The following ADAM32 variants were observed in gnomAD, a reference collection of about 807,000 sequenced individuals.
The protein encoded by ADAM32 is ADAM metallopeptidase domain 32.
A neutral mutation model predicts 114.9 loss-of-function variants in ADAM32; 89 were observed. The ratio of observed to expected loss-of-function variants is 0.77; its 90% confidence interval spans 0.65 to 0.92. The LOEUF is 0.92. ADAM32 is among the 40% of genes least tolerant of loss of function. The probability of loss-of-function intolerance (pLI) is 0.00; values close to 1 mark genes in which losing one functional copy is unlikely to be tolerated. For synonymous variants in ADAM32, 285 were observed against 307.5 expected, an observed-to-expected ratio of 0.93 and a Z score of 0.77; for missense variants, 870 against 932.8, an observed-to-expected ratio of 0.93 and a Z score of 0.88.
intron 10 of ADAM32, among the ~76,000 whole-genome samples, chr8:39,185,249 G>A (rs142343763): frequency 0.015 from 1,951 of 132,186 alleles, 18 homozygotes; most frequent in Non-Finnish European, 0.022. Flanking sequence ...TAGGCAACAC[G>A]AGTGAAACTC....
chr8:39,133,779 C>T (rs1802607220), intron 2 of ADAM32, among the ~76,000 whole-genome samples: 2 of 152,132 alleles, frequency 1.3e-5, no homozygotes, highest in African/African-American at 4.8e-5. Context: ...GATATCAGAT[C>T]CCCGGATAGT....
chr8:39,270,946 A>C (rs370825727), intron 20 of ADAM32, 32 bp downstream of exon 20: 50 of 1,578,628 alleles, frequency 3.2e-5, no homozygotes, highest in Middle Eastern at 1.7e-4. Flanking sequence ...TTTAAGATAC[A>C]TGTTGAAAAT....
rs1388586346 is a variant in ADAM32, at chr8:39,253,864, T to A, written c.1903-550T>A. 2.0e-5 allele frequency among the ~76,000 whole-genome samples: 3 copies of A among 151,714 alleles called. No homozygotes were observed. In the South Asian group the frequency reaches 6.2e-4, roughly 31 times the overall value. On this transcript the variant is annotated intron_variant, in intron 17 of 24. Coordinates refer to ENST00000379907, the MANE Select transcript of ADAM32 (RefSeq NM_145004.7). The stretch of plus-strand genomic sequence containing the variant: ...TTATCTACAGATTCCATGCAATCCT[T>A]ATCAGAATCTCCATGTTATTTTTCA...
intron 16 of ADAM32, among the ~76,000 whole-genome samples, chr8:39,241,746 G>A (rs1033480811): frequency 6.6e-6 from 1 of 152,202 alleles, no homozygotes; most frequent in Admixed American, 6.5e-5. Flanking sequence ...AAACCTCCAG[G>A]CCTCTGACTG....
chr8:39,274,554 T>C (rs1340269632), intron 21 of ADAM32, among the ~76,000 whole-genome samples: 1 of 152,172 alleles, frequency 6.6e-6, no homozygotes, highest in Admixed American at 6.5e-5. Flanking sequence ...GAGGTCTCTT[T>C]TGAGGAAACA....
intron 11 of ADAM32, among the ~76,000 whole-genome samples, chr8:39,197,487 G>A (rs1343103959): frequency 1.3e-5 from 2 of 151,750 alleles, no homozygotes; most frequent in Non-Finnish European, 2.9e-5. Flanking sequence ...CTTCTTTTGT[G>A]TATGTCACTA....
At chr8:39,117,941 A>T (rs910810916) in intron 1 of ADAM32, 145 bp from the exon 2 acceptor site, 4 of 469,670 alleles carry the variant, frequency 8.5e-6, no homozygotes, top group Non-Finnish European at 1.5e-5. Context: ...CTGTTTTTCA[A>T]ATTAAGTGTT....
rs1340647781 is a variant in ADAM32 at position 39,246,143 on chromosome 8, T to C, written c.1879T>C (p.Ser627Pro). The change falls in exon 17 of 25, where the codon TCA becomes CCA. Residue 627 changes from serine to proline, a missense_variant. By Grantham distance (74) the Ser-to-Pro change is moderately conservative. Transcript: ENST00000379907. ...RIIKASAHVCSQQCSGHGVCD... is the reference protein window; with the variant it reads ...RIIKASAHVCPQQCSGHGVCD... ...AATTAAGGCTTCAGCACATGTTTGT[T>C]CACAACAGTGTTCTGGACATGGAGT... is the stretch of plus-strand genomic sequence containing the variant. 3 of 1,613,482 alleles carry C rather than the reference T, an allele frequency of 1.9e-6. No homozygotes were observed. In the South Asian group the frequency reaches 3.3e-5, roughly 18 times the overall value.
At chr8:39,125,362 A>G (rs569201093) in intron 2 of ADAM32, among the ~76,000 whole-genome samples, 31 of 152,178 alleles carry the variant, frequency 2.0e-4, no homozygotes, top group Non-Finnish European at 3.8e-4. Context: ...GGGAATAGCT[A>G]TTCTATGCCT....
At chr8:39,257,157 GTT>G (rs200807312) in intron 18 of ADAM32, 28 bp from the exon 19 acceptor site, 2,909 of 1,273,692 alleles carry the variant, frequency 2.3e-3, no homozygotes, top group South Asian at 4.8e-3. Flanking sequence ...TAATTTTTTT[GTT>G]TTTTTTTTTT....
At chr8:39,259,871 C>A (rs1585667690) in intron 19 of ADAM32, among the ~76,000 whole-genome samples, 1 of 152,154 alleles carries the variant, frequency 6.6e-6, no homozygotes, top group South Asian at 2.1e-4. Context: ...ATTTCCACAG[C>A]CAGTATAATG....
intron 23 of ADAM32, among the ~76,000 whole-genome samples, chr8:39,282,738 T>G (rs1200425959): frequency 6.6e-6 from 1 of 152,180 alleles, no homozygotes. Context: ...GTAGAGCCAA[T>G]TCCTTGGGTA....
At chr8:39,190,940 C>T (rs1564566707) in intron 11 of ADAM32, among the ~76,000 whole-genome samples, 1 of 152,114 alleles carries the variant, frequency 6.6e-6, no homozygotes, top group Non-Finnish European at 1.5e-5. Flanking sequence ...AAGTAGGACC[C>T]AGTGTCTATT....
intron 19 of ADAM32, among the ~76,000 whole-genome samples, chr8:39,259,277 G>A (rs1005563579): frequency 1.3e-5 from 2 of 151,560 alleles, no homozygotes; most frequent in Non-Finnish European, 2.9e-5. Context: ...TTGGCTCACT[G>A]CAACCTTAGC....
chr8:39,147,308 T>C (rs928182565), intron 4 of ADAM32, 103 bp downstream of exon 4: 1 of 478,260 alleles, frequency 2.1e-6, no homozygotes, highest in African/African-American at 2.0e-5. Context: ...GGGATATATT[T>C]AAGACATTTG....
chr8:39,199,256 G>A (rs1486894338), intron 11 of ADAM32, among the ~76,000 whole-genome samples: 1 of 152,074 alleles, frequency 6.6e-6, no homozygotes. Flanking sequence ...TATATCTCTT[G>A]CAAAACTTTG....
chr8:39,160,951 G>T lies in ADAM32; in HGVS notation c.580G>T (p.Val194Leu). ...FPLYLEMHIV[V>L]DKTLYDYWGS... ...TCTTTATCTAGAAATGCATATTGTG[G>T]TGGACAAAACTTTGGTATGTGTTTT... The change falls in exon 7 of 25, where the codon GTG becomes TTG. Residue 194 changes from valine (V) to leucine (L), a missense_variant. Coordinates refer to ENST00000379907, the MANE Select transcript of ADAM32 (RefSeq NM_145004.7). 1 of 1,593,994 alleles carries T rather than the reference G, an allele frequency of 6.3e-7. No individual in the cohort carries two copies. The highest frequency in any genetic ancestry group is 8.5e-7 in the Non-Finnish European group (1 of 1,170,868).
rs567437595 is a variant in ADAM32, at chr8:39,251,559, A to G, written c.1903-2855A>G. On this transcript the variant is annotated intron_variant, in intron 17 of 24. Transcript: ENST00000379907. Reference sequence around the variant, plus strand: ...CTTTTGCCCATTTTTTTAATCATATACTTTGTGGAGTTTTTTCCTATTGAG... The same window carrying G: ...CTTTTGCCCATTTTTTTAATCATATGCTTTGTGGAGTTTTTTCCTATTGAG... 3.0e-4 allele frequency among the ~76,000 whole-genome samples: 45 copies of G among 151,416 alleles called. 1 individual carries two copies. Among genetic ancestry groups the G allele is most frequent in the African/African-American group, 1.0e-3 (42 of 41,392 alleles).
chr8:39,207,615 G>A (rs1391453633), intron 11 of ADAM32, among the ~76,000 whole-genome samples: 1 of 152,074 alleles, frequency 6.6e-6, no homozygotes, highest in Non-Finnish European at 1.5e-5. Flanking sequence ...TTGTCATTTG[G>A]TATAGTCACC....
Sources: allele counts gnomAD v4.1 joint callset (sites outside exome capture counted in the v4.1 genomes callset), GRCh38; gene constraint gnomAD v4.1.1; transcripts MANE v1.5; gene names NCBI Gene and HGNC (gene_info 2026-07-23, HGNC 2026-07-21).